RAE1: variants seen among roughly 807,000 people sequenced by gnomAD.
RAE1 encodes ribonucleic acid export 1.
A neutral mutation model predicts 52.7 loss-of-function variants in RAE1; 13 were observed. That is an observed-to-expected ratio of 0.25 (90% CI 0.16 to 0.39). RAE1 has a LOEUF of 0.39. Ranked by LOEUF, RAE1 falls within the 10% of genes least tolerant of loss-of-function variation. The pLI is 1.00. For missense variants in RAE1, 262 were observed against 459.8 expected (o/e 0.57, Z 3.93); for synonymous variants, 164 against 153.1 (o/e 1.07, Z -0.52).
intron 9 of RAE1, 27 bp from the exon 10 acceptor site, chr20:57,373,636 A>T: frequency 6.2e-7 from 1 of 1,613,504 alleles, no homozygotes; most frequent in Non-Finnish European, 8.5e-7. Flanking sequence ...TAACAAAGGA[A>T]GACTTACATG....
At chr20:57,370,315 T>A (rs771383397) in intron 8 of RAE1, among the ~76,000 whole-genome samples, 6 of 152,228 alleles carry the variant, frequency 3.9e-5, no homozygotes, top group Admixed American at 6.5e-5. Flanking sequence ...GGAACAGAGC[T>A]TCATTCACTG....
chr20:57,355,716 T>C (rs1034576456), intron 3 of RAE1, among the ~76,000 whole-genome samples: 51 of 152,340 alleles, frequency 3.3e-4, no homozygotes, highest in African/African-American at 1.2e-3. Context: ...AATACCATTG[T>C]AAGTTTTTGG....
rs1028521843 is a variant in RAE1, at chr20:57,378,202, G to T, written c.*103G>T. The T allele has an allele frequency of 1.7e-5, 16 of 941,534 alleles. No individual in the cohort carries two copies. The highest frequency in any genetic ancestry group is 3.3e-5 in the South Asian group (2 of 60,106). The allele number at this position is 941,534 out of a possible 1,614,324, so 58.3% of individuals were successfully genotyped here. On this transcript the variant is annotated 3_prime_UTR_variant, in exon 12 of 12. Transcript: ENST00000395841. Reference sequence around the variant, plus strand: ...TGTTGGGTTGTCAGCCATGGACATGGATTTCAACCCCTGGAGAAAACGATG... The same window carrying T: ...TGTTGGGTTGTCAGCCATGGACATGTATTTCAACCCCTGGAGAAAACGATG...
rs1301292925 is a variant in RAE1 at position 57,351,350 on chromosome 20, C to T, written c.-80C>T. 3.0e-6 allele frequency: 3 copies of T among 985,332 alleles called. No individual in the cohort carries two copies. Among genetic ancestry groups the T allele is most frequent in the Non-Finnish European group, 3.6e-6 (3 of 829,936 alleles). The allele number at this position is 985,332 out of a possible 1,614,324, so 61.0% of individuals were successfully genotyped here. ...GCGCTCCTGGCCCTCGTCCTTCGCG[C>T]CAGAGCAGGTTCGCAAACTCCTCAG... On this transcript the variant is annotated 5_prime_UTR_variant, in exon 1 of 12. Coordinates refer to ENST00000395841, the MANE Select transcript of RAE1 (RefSeq NM_003610.4).
At chr20:57,365,272 TATGTTCA>T in intron 4 of RAE1, 77 bp from the exon 5 acceptor site, 1 of 956,464 alleles carries the variant, frequency 1.0e-6, no homozygotes, top group Admixed American at 2.7e-5. Flanking sequence ...TTTGCCTCAA[TATGTTCA>T]ACGTAGTATC....
At chr20:57,376,088 C>T (rs140536383) in intron 11 of RAE1, among the ~76,000 whole-genome samples, 1 of 152,354 alleles carries the variant, frequency 6.6e-6, no homozygotes, top group East Asian at 1.9e-4. Flanking sequence ...TTCCCAGTCT[C>T]AGGAGCGTGG....
chr20:57,377,781 C>T (rs558890325), intron 11 of RAE1, among the ~76,000 whole-genome samples: 1 of 140,510 alleles, frequency 7.1e-6, no homozygotes, highest in Admixed American at 6.8e-5. Context: ...GGTTCCTACT[C>T]ACAGACTCTC....
At chr20:57,368,567 TAGGTTTTAGTGAA>T (rs765786281) in intron 7 of RAE1, 125 bp from the exon 8 acceptor site, 15 of 566,244 alleles carry the variant, frequency 2.6e-5, no homozygotes, top group Admixed American at 1.5e-4. Context: ...ACTATTTCTC[TAGGTTTTAGTGAA>T]ATATAATCCC....
intron 1 of RAE1, among the ~76,000 whole-genome samples, chr20:57,353,177 C>T (rs1472658228): frequency 6.6e-6 from 1 of 152,120 alleles, no homozygotes; most frequent in Non-Finnish European, 1.5e-5. Flanking sequence ...TTTCAGTGTA[C>T]GTAACTCCTC....
At chr20:57,359,362 T>C (rs375122707) in intron 4 of RAE1, 55 of 195,222 alleles carry the variant, frequency 2.8e-4, no homozygotes, top group African/African-American at 1.2e-3. Context: ...GTCTTCATCT[T>C]ACTTACATTA....
rs528720993 is a variant in RAE1, at chr20:57,363,531, T to C, written c.289-1825T>C. Among the ~76,000 whole-genome samples, 4 of 152,122 alleles carry C rather than the reference T, an allele frequency of 2.6e-5. No homozygotes were observed. The South Asian group carries it at 8.3e-4, about 32-fold the overall frequency. ...AAAAATAAAAAAAATTATCTGAGTG[T>C]GATGGCACATCCCTATAGTCCTAGC... On this transcript the variant is annotated intron_variant, in intron 4 of 11. Coordinates refer to ENST00000395841, the MANE Select transcript of RAE1 (RefSeq NM_003610.4).
chr20:57,371,899 T>G (rs1600725729), intron 8 of RAE1: 1 of 152,240 alleles, frequency 6.6e-6, no homozygotes, highest in Admixed American at 6.5e-5. Flanking sequence ...TGAAGGAGAT[T>G]ATGCAAAATG....
intron 11 of RAE1, among the ~76,000 whole-genome samples, chr20:57,376,849 A>C (rs1284472554): frequency 1.3e-5 from 2 of 152,248 alleles, no homozygotes; most frequent in African/African-American, 4.8e-5. Flanking sequence ...GCGTTAAAAA[A>C]TGTAGTAAAT....
intron 11 of RAE1, chr20:57,375,214 C>CT: frequency 1.7e-6 from 1 of 604,144 alleles, no homozygotes. Flanking sequence ...TTTTTGAGGC[C>CT]TTTGGGCATG....
intron 1 of RAE1, chr20:57,352,105 CAAAG>C: frequency 5.9e-6 from 3 of 509,518 alleles, no homozygotes; most frequent in Non-Finnish European, 7.6e-6. Context: ...TTAAAGTTGG[CAAAG>C]AAGCGTCTGA....
intron 11 of RAE1, chr20:57,375,096 A>AG: frequency 1.5e-6 from 1 of 675,616 alleles, no homozygotes; most frequent in Non-Finnish European, 2.7e-6. Context: ...CACTTTATGA[A>AG]GGGGGTGGCA....
At chr20:57,357,158 CT>C (rs2066800693) in intron 4 of RAE1, among the ~76,000 whole-genome samples, 1 of 152,168 alleles carries the variant, frequency 6.6e-6, no homozygotes, top group African/African-American at 2.4e-5. Context: ...AAAACTGAAC[CT>C]TTTTGGTATA....
chr20:57,373,712 A>G lies in RAE1; in HGVS notation c.799A>G (p.Thr267Ala). 6.2e-7 allele frequency: 1 copy of G among 1,613,956 alleles called. No individual in the cohort carries two copies. Residue 267 changes from threonine to alanine, a missense_variant, in exon 10 of 12, where the codon ACT becomes GCT. Physicochemically the swap from Thr to Ala is moderately conservative, Grantham distance 58. Transcript: ENST00000395841. The stretch of plus-strand genomic sequence containing the variant: ...ATGTCATCGATCTAATGGAACCAAC[A>G]CTTCAGCTCCTCAGGACATTTATGC... ...FKCHRSNGTN[T>A]SAPQDIYAVN...
At chr20:57,375,828 T>G (rs892965077) in intron 11 of RAE1, among the ~76,000 whole-genome samples, 3 of 152,222 alleles carry the variant, frequency 2.0e-5, no homozygotes, top group Admixed American at 6.5e-5. Flanking sequence ...CGTCCCTTCC[T>G]GTTCCATACA....
Sources: allele counts gnomAD v4.1 joint callset (sites outside exome capture counted in the v4.1 genomes callset), GRCh38; gene constraint gnomAD v4.1.1; transcripts MANE v1.5; gene names NCBI Gene and HGNC (gene_info 2026-07-23, HGNC 2026-07-21).